GANC: variants seen among roughly 807,000 people sequenced by gnomAD.
GANC encodes neutral alpha-glucosidase C.
GANC carries 117 observed loss-of-function variants against 124.2 expected under a neutral mutation model. That is an observed-to-expected ratio of 0.94 (90% CI 0.81 to 1.10). The LOEUF (loss-of-function observed/expected upper bound fraction) is 1.10. Among genes scored for constraint, GANC ranks in the 50% least tolerant of loss-of-function variants. The pLI is 0.00. For synonymous variants in GANC, 377 were observed against 376.8 expected (o/e 1.00, Z -0.01); for missense variants, 1,140 against 1,095.0 (o/e 1.04, Z -0.58).
chr15:42,330,493 C>A, intron 14 of GANC, 83 bp from the exon 15 acceptor site: 2 of 912,100 alleles, frequency 2.2e-6, no homozygotes, highest in Non-Finnish European at 3.5e-6. Context: ...CTACTGTTTG[C>A]TTTTTGTATG....
chr15:42,326,988 C>T (rs762937789), intron 12 of GANC, among the ~76,000 whole-genome samples: 2 of 152,160 alleles, frequency 1.3e-5, no homozygotes, highest in Admixed American at 6.5e-5. Context: ...TGTAGAGAAA[C>T]CCCGTGCCTT....
intron 10 of GANC, among the ~76,000 whole-genome samples, chr15:42,311,697 C>A (rs1482955509): frequency 2.6e-5 from 4 of 152,076 alleles, no homozygotes; most frequent in Non-Finnish European, 5.9e-5. Context: ...ACAACCAGAT[C>A]TTGTGAGAAA....
Position 42,321,809 on chromosome 15 carries a change from T to G in GANC, c.1082T>G (p.Phe361Cys). The change falls in exon 11 of 24, where the codon TTC (phenylalanine) becomes TGC (cysteine). Residue 361 changes from phenylalanine (F) to cysteine (C), a missense_variant. By Grantham distance (205) the Phe-to-Cys change is radical. Coordinates refer to ENST00000318010, the MANE Select transcript of GANC (RefSeq NM_198141.3). ...GGCACACAAGCCATGCCCCCTCTTT[T>G]CTCTTTGGGATACCACCAGTGCCGC... ...LTGTQAMPPL[F>C]SLGYHQCRWN... is the part of the protein sequence containing the mutation. 1 of 1,614,216 alleles carries G rather than the reference T, an allele frequency of 6.2e-7. No homozygotes were observed. Among genetic ancestry groups the G allele is most frequent in the Non-Finnish European group, 8.5e-7 (1 of 1,180,030 alleles).
chr15:42,316,772 T>C (rs1013119264), intron 10 of GANC, among the ~76,000 whole-genome samples: 1 of 152,152 alleles, frequency 6.6e-6, no homozygotes, highest in Non-Finnish European at 1.5e-5. Flanking sequence ...CCTTTCACTA[T>C]CTGCTAATTA....
intron 23 of GANC, 43 bp downstream of exon 23, chr15:42,351,475 A>T (rs1269434982): frequency 7.3e-7 from 1 of 1,372,646 alleles, no homozygotes; most frequent in Non-Finnish European, 1.0e-6. Context: ...TGTTTTTATA[A>T]ACAGAAGTAT....
At chr15:42,280,822 C>T (rs1289444115) in intron 3 of GANC, 4 of 634,248 alleles carry the variant, frequency 6.3e-6, no homozygotes, top group Admixed American at 5.2e-5. Context: ...AGCGTGATAC[C>T]AGTTTGCGGT....
chr15:42,285,910 G>A (rs2051782463), intron 3 of GANC, among the ~76,000 whole-genome samples: 1 of 152,072 alleles, frequency 6.6e-6, no homozygotes, highest in Non-Finnish European at 1.5e-5. Context: ...TATACATGAA[G>A]TCATTATAGT....
chr15:42,280,835 A>G (rs963677472), intron 3 of GANC: 1 of 650,474 alleles, frequency 1.5e-6, no homozygotes, highest in African/African-American at 1.8e-5. Context: ...TTTGCGGTGG[A>G]CACCCACATA....
intron 18 of GANC, among the ~76,000 whole-genome samples, chr15:42,342,340 G>A (rs1001387089): frequency 6.6e-6 from 1 of 152,178 alleles, no homozygotes; most frequent in Non-Finnish European, 1.5e-5. Flanking sequence ...TCCCAACACT[G>A]TGGGAGGTCG....
intron 15 of GANC, among the ~76,000 whole-genome samples, chr15:42,337,466 C>G (rs1163399799): frequency 6.6e-6 from 1 of 152,010 alleles, no homozygotes; most frequent in Non-Finnish European, 1.5e-5. Flanking sequence ...AACAGAAAAC[C>G]AAATACCACA....
intron 10 of GANC, among the ~76,000 whole-genome samples, chr15:42,311,962 A>C (rs2052054149): frequency 6.6e-6 from 1 of 152,242 alleles, no homozygotes; most frequent in South Asian, 2.1e-4. Context: ...CTAGGAATAC[A>C]CTTAACAAAG....
intron 1 of GANC, 30 bp downstream of exon 1, chr15:42,274,540 AC>A (rs751641099): frequency 2.5e-6 from 4 of 1,595,684 alleles, no homozygotes; most frequent in Non-Finnish European, 8.5e-7. Flanking sequence ...GTAGCGAGTG[AC>A]CCCAGGGTCC....
At chr15:42,274,534 C>T (rs2051635505) in intron 1 of GANC, 24 bp downstream of exon 1, 1 of 1,600,872 alleles carries the variant, frequency 6.2e-7, no homozygotes, top group Admixed American at 1.7e-5. Context: ...GCTTCTGTAG[C>T]GAGTGACCCC....
At chr15:42,340,954 C>T (rs908472078) in intron 18 of GANC, among the ~76,000 whole-genome samples, 200 bp downstream of exon 18, 3 of 149,326 alleles carry the variant, frequency 2.0e-5, no homozygotes, top group African/African-American at 7.7e-5. Flanking sequence ...TTAGTAGAGA[C>T]AGGGTTTCAT....
chr15:42,342,748 C>T (rs769975447), intron 18 of GANC, among the ~76,000 whole-genome samples: 35 of 152,180 alleles, frequency 2.3e-4, no homozygotes, highest in Non-Finnish European at 4.6e-4. Flanking sequence ...TGGAAAGGAG[C>T]AATGGGGGTG....
chr15:42,316,421 G>A (rs1468017282), intron 10 of GANC, among the ~76,000 whole-genome samples: 1 of 152,130 alleles, frequency 6.6e-6, no homozygotes, highest in African/African-American at 2.4e-5. Flanking sequence ...CCAAGTGATT[G>A]ATAAGGTCAA....
At chr15:42,351,181 T>C (rs2052431898) in intron 22 of GANC, 148 bp from the exon 23 acceptor site, 3 of 581,608 alleles carry the variant, frequency 5.2e-6, no homozygotes, top group Non-Finnish European at 9.1e-6. Context: ...TCTTTTATTA[T>C]CTCTTCATCC....
intron 4 of GANC, among the ~76,000 whole-genome samples, chr15:42,289,384 C>T (rs13380340): frequency 6.6e-6 from 1 of 152,128 alleles, no homozygotes; most frequent in Non-Finnish European, 1.5e-5. Flanking sequence ...TCTGATAACT[C>T]AACTTCCTGA....
chr15:42,338,471 T>G lies in GANC; in HGVS notation c.1824T>G (p.Thr608=), dbSNP rs1391628720. The change falls in exon 16 of 24, where the codon ACT becomes ACG. Residue 608 remains threonine (T), a synonymous_variant. Transcript: ENST00000318010. ...SIPMLLTLSI[T]GISFCGADIG... ...CAATGTTACTCACTCTCAGCATTAC[T>G]GGGATCTCTTTTTGCGGAGGTAAGA... The G allele has an allele frequency of 6.2e-7, 1 of 1,613,416 alleles. No individual in the cohort carries two copies. Among genetic ancestry groups the G allele is most frequent in the South Asian group, 1.1e-5 (1 of 91,070 alleles).
Sources: gnomAD v4.1 joint callset for allele counts (sites outside exome capture counted in the v4.1 genomes callset) on GRCh38, gnomAD v4.1.1 for gene constraint, MANE v1.5 for transcripts, NCBI Gene and HGNC (gene_info 2026-07-23, HGNC 2026-07-21) for gene names.